SCD5: variants seen among roughly 807,000 people sequenced by gnomAD.
The protein encoded by SCD5 is stearoyl-CoA desaturase 5.
SCD5 carries 20 observed loss-of-function variants against 30.4 expected under a neutral mutation model. That is an observed-to-expected ratio of 0.66 (90% CI 0.46 to 0.96). SCD5 has a LOEUF of 0.96. Among genes scored for constraint, SCD5 ranks in the 40% least tolerant of loss-of-function variants. The pLI is 0.00. For missense variants in SCD5, 381 were observed against 443.3 expected (o/e 0.86, Z 1.26); for synonymous variants, 173 against 176.4 (o/e 0.98, Z 0.16).
intron 2 of SCD5, among the ~76,000 whole-genome samples, chr4:82,690,013 A>T (rs1386867956): frequency 6.6e-6 from 1 of 152,236 alleles, no homozygotes; most frequent in Non-Finnish European, 1.5e-5. Flanking sequence ...AAAATTAAAA[A>T]AACAAGGAAC....
chr4:82,660,654 G>A, intron 3 of SCD5: 4 of 1,394,380 alleles, frequency 2.9e-6, no homozygotes, highest in Non-Finnish European at 3.7e-6. Flanking sequence ...CTCAGAGACA[G>A]AATGACAAAA....
chr4:82,638,317 C>T (rs934380600), intron 3 of SCD5, among the ~76,000 whole-genome samples: 4 of 152,076 alleles, frequency 2.6e-5, no homozygotes, highest in Non-Finnish European at 5.9e-5. Flanking sequence ...AGGCAACGGC[C>T]GGTGTCTGGG....
chr4:82,759,857 C>T (rs528477765), intron 1 of SCD5, among the ~76,000 whole-genome samples: 3 of 152,206 alleles, frequency 2.0e-5, no homozygotes, highest in Admixed American at 6.5e-5. Flanking sequence ...GGGTTTGATA[C>T]CTGGTAGGCA....
chr4:82,705,192 G>C (rs1219525071), intron 2 of SCD5, 91 bp downstream of exon 2: 2 of 1,502,586 alleles, frequency 1.3e-6, no homozygotes, highest in Non-Finnish European at 1.8e-6. Flanking sequence ...GTCTAGGACA[G>C]GGGTGGAGGG....
intron 1 of SCD5, among the ~76,000 whole-genome samples, chr4:82,786,994 G>A (rs942592522): frequency 5.3e-5 from 8 of 152,162 alleles, no homozygotes; most frequent in East Asian, 1.9e-4. Context: ...CGTCCACTCC[G>A]GCCAAAAGCT....
At chr4:82,727,191 G>A (rs1720520481) in intron 1 of SCD5, among the ~76,000 whole-genome samples, 1 of 152,344 alleles carries the variant, frequency 6.6e-6, no homozygotes, top group South Asian at 2.1e-4. Context: ...ACTTTAGGAT[G>A]TAAGGGGATT....
chr4:82,701,398 TA>T (rs1342955040), intron 2 of SCD5, among the ~76,000 whole-genome samples: 1 of 152,138 alleles, frequency 6.6e-6, no homozygotes, highest in Non-Finnish European at 1.5e-5. Flanking sequence ...TTGATCCAAC[TA>T]TATCAATAAT....
intron 1 of SCD5, among the ~76,000 whole-genome samples, chr4:82,789,944 T>C (rs1722065612): frequency 1.3e-5 from 2 of 152,010 alleles, no homozygotes; most frequent in South Asian, 4.2e-4. Context: ...GGGTTTTTTG[T>C]TGTTGTTGTT....
chr4:82,708,283 C>T (rs1483278569), intron 1 of SCD5, among the ~76,000 whole-genome samples: 2 of 152,144 alleles, frequency 1.3e-5, no homozygotes, highest in African/African-American at 4.8e-5. Context: ...TTACTGAATT[C>T]CCATTGGATT....
At chr4:82,774,730 C>G (rs1278433269) in intron 1 of SCD5, among the ~76,000 whole-genome samples, 1 of 152,190 alleles carries the variant, frequency 6.6e-6, no homozygotes, top group Admixed American at 6.5e-5. Flanking sequence ...AAAACTGTTA[C>G]ATAGACCCAG....
rs550237981 is a variant in SCD5 at position 82,687,903 on chromosome 4, T to G, written c.364-6991A>C. ...TCATCTAAATGGCAACAGAGGACACTGTCTTTTAAGGCCCACATAATTTCC... is the reference window on the plus strand; with the variant it reads ...TCATCTAAATGGCAACAGAGGACACGGTCTTTTAAGGCCCACATAATTTCC... On this transcript the variant is annotated intron_variant, in intron 2 of 4. Coordinates refer to ENST00000319540, the MANE Select transcript of SCD5 (RefSeq NM_001037582.3). 3.3e-5 allele frequency among the ~76,000 whole-genome samples: 5 copies of G among 152,338 alleles called. No homozygotes were observed. In the East Asian group the frequency reaches 9.6e-4, roughly 29 times the overall value.
At chr4:82,670,815 T>C (rs12512262) in intron 3 of SCD5, among the ~76,000 whole-genome samples, 157 of 151,834 alleles carry the variant, frequency 1.0e-3, no homozygotes, top group African/African-American at 3.3e-3. Context: ...TATCAATTGA[T>C]ATGGCAAACA....
At chr4:82,699,805 G>A (rs1181368759) in intron 2 of SCD5, among the ~76,000 whole-genome samples, 1 of 152,012 alleles carries the variant, frequency 6.6e-6, no homozygotes, top group Non-Finnish European at 1.5e-5. Context: ...GGGACTACAG[G>A]TGCACGCCAC....
At chr4:82,667,999 T>C (rs1188689588) in intron 3 of SCD5, among the ~76,000 whole-genome samples, 1 of 152,184 alleles carries the variant, frequency 6.6e-6, no homozygotes, top group East Asian at 1.9e-4. Flanking sequence ...AGCAGGATGA[T>C]GAAGTGAGGA....
chr4:82,772,641 C>G (rs1442834564), intron 1 of SCD5, among the ~76,000 whole-genome samples: 2 of 152,208 alleles, frequency 1.3e-5, no homozygotes, highest in African/African-American at 4.8e-5. Context: ...TCTCTCTCTA[C>G]TGGCTGGCCT....
At chr4:82,702,041 A>G (rs914648516) in intron 2 of SCD5, among the ~76,000 whole-genome samples, 5 of 150,912 alleles carry the variant, frequency 3.3e-5, no homozygotes, top group Non-Finnish European at 7.4e-5. Flanking sequence ...AGAGGAACTC[A>G]GGAGATCTTT....
Position 82,798,559 on chromosome 4 carries a change from G to A in SCD5, c.-22C>T. The A allele has an allele frequency of 1.3e-6, 2 of 1,542,672 alleles. No individual in the cohort carries two copies. The highest frequency in any genetic ancestry group is 1.7e-6 in the Non-Finnish European group (2 of 1,144,824). ...GCATGGCTGGGCGAGGTGGGCGCCC[G>A]CAGCAGCGGCAGGCAGGCAGGCGCT... On this transcript the variant is annotated 5_prime_UTR_variant, in exon 1 of 5. Coordinates refer to ENST00000319540, the MANE Select transcript of SCD5 (RefSeq NM_001037582.3).
chr4:82,736,521 T>A (rs1489919573), intron 1 of SCD5, among the ~76,000 whole-genome samples: 1 of 151,674 alleles, frequency 6.6e-6, no homozygotes, highest in Non-Finnish European at 1.5e-5. Context: ...GGCAGGAGAA[T>A]CACTTGAACC....
chr4:82,695,756 C>T (rs1578025570), intron 2 of SCD5, among the ~76,000 whole-genome samples: 1 of 152,082 alleles, frequency 6.6e-6, no homozygotes, highest in Non-Finnish European at 1.5e-5. Context: ...AATCATTCCT[C>T]TCTCCCTACC....
Sources: allele counts gnomAD v4.1 joint callset (sites outside exome capture counted in the v4.1 genomes callset), GRCh38; gene constraint gnomAD v4.1.1; transcripts MANE v1.5; gene names NCBI Gene and HGNC (gene_info 2026-07-23, HGNC 2026-07-21).